Variants in MPDZ observed in about 807,000 individuals in gnomAD.
The protein encoded by MPDZ is multiple PDZ domain protein.
Under a neutral mutation model 239.1 loss-of-function variants are expected in MPDZ, and 234 were observed. That is an observed-to-expected ratio of 0.98 (90% confidence interval 0.88 to 1.09). MPDZ has a LOEUF of 1.09. Ranked by LOEUF, MPDZ falls within the 50% of genes least tolerant of loss-of-function variation. The probability of loss-of-function intolerance (pLI) is 0.00; values close to 1 mark genes in which losing one functional copy is unlikely to be tolerated. For missense variants in MPDZ, 3,175 were observed against 2,510.0 expected (o/e 1.26, Z -5.66); for synonymous variants, 1,048 against 881.3 (o/e 1.19, Z -3.35).
intron 29 of MPDZ, among the ~76,000 whole-genome samples, chr9:13,137,095 C>A (rs917468811): frequency 1.3e-5 from 2 of 152,038 alleles, no homozygotes; most frequent in African/African-American, 4.8e-5. Context: ...AATTTCCTGG[C>A]AGGCACTGGG....
chr9:13,152,060 T>C (rs139846874), intron 24 of MPDZ, among the ~76,000 whole-genome samples: 22 of 152,164 alleles, frequency 1.4e-4, no homozygotes, highest in Middle Eastern at 3.4e-3. Context: ...TTACATATAT[T>C]AAGTAATCAA....
Position 13,224,485 on chromosome 9 carries a change from T to C in MPDZ, c.282A>G (p.Leu94=), listed in dbSNP as rs372907146. 1.2e-6 allele frequency: 2 copies of C among 1,612,848 alleles called. No homozygotes were observed. Among genetic ancestry groups the C allele is most frequent in the South Asian group, 2.2e-5 (2 of 91,058 alleles). ...VIPTLQNESF[L]LSPNNGNLEA... ...CCAGATTCCCATTGTTTGGGGATAATAAAAACGATTCATTTTGCAGAGTAG... is the reference window on the plus strand; with the variant it reads ...CCAGATTCCCATTGTTTGGGGATAACAAAAACGATTCATTTTGCAGAGTAG... Residue 94 remains leucine, a synonymous_variant, in exon 4 of 47, where the codon TTA becomes TTG. Coordinates refer to ENST00000319217, the MANE Select transcript of MPDZ (RefSeq NM_001378778.1).
chr9:13,216,772 A>C lies in MPDZ; in HGVS notation c.1290+2T>G, dbSNP rs1032177650. ...AAAGCTATTGTTAAATGTGTAACTT[A>C]CTGCTATAATTTGGTCTCCAATTTG... On this transcript the variant is annotated splice_donor_variant, in intron 10 of 46. Coordinates refer to ENST00000319217, the MANE Select transcript of MPDZ (RefSeq NM_001378778.1). LOFTEE classifies it high-confidence loss of function. 6.3e-7 allele frequency: 1 copy of C among 1,592,376 alleles called. No individual in the cohort carries two copies. Among genetic ancestry groups the C allele is most frequent in the East Asian group, 2.2e-5 (1 of 44,530 alleles).
chr9:13,190,827 T>G (rs1054526368), intron 15 of MPDZ, among the ~76,000 whole-genome samples: 1 of 152,152 alleles, frequency 6.6e-6, no homozygotes, highest in Non-Finnish European at 1.5e-5. Context: ...TGCCCCCAGC[T>G]TGAAGCAGCT....
intron 32 of MPDZ, among the ~76,000 whole-genome samples, chr9:13,127,235 C>A (rs1180423948): frequency 6.6e-6 from 1 of 152,096 alleles, no homozygotes; most frequent in Non-Finnish European, 1.5e-5. Context: ...GGCAGTCTGC[C>A]ATTACTGATG....
In MPDZ at chr9:13,216,726, T is replaced by C. The variant is rs1032921225; in HGVS notation, c.1290+48A>G. 7 of 1,391,352 alleles carry C rather than the reference T, an allele frequency of 5.0e-6. No homozygotes were observed. In the African/African-American group the frequency reaches 1.0e-4, roughly 20 times the overall value. The allele number at this position is 1,391,352 out of a possible 1,614,324, so 86.2% of individuals were successfully genotyped here. On this transcript the variant is annotated intron_variant, in intron 10 of 46. Coordinates refer to ENST00000319217, the MANE Select transcript of MPDZ (RefSeq NM_001378778.1). ...AACTAAGTAAACTAGGAGAATACAATTCTCAACCATGAAAATTAACAAAGC... is the reference window on the plus strand; with the variant it reads ...AACTAAGTAAACTAGGAGAATACAACTCTCAACCATGAAAATTAACAAAGC...
At chr9:13,119,440 A>C in intron 39 of MPDZ, 62 bp downstream of exon 39, 2 of 1,536,466 alleles carry the variant, frequency 1.3e-6, no homozygotes, top group Non-Finnish European at 8.8e-7. Context: ...ATGATAGCCC[A>C]ATGTTAAAAT....
intron 31 of MPDZ, chr9:13,135,643 T>TGAC (rs1274948730): frequency 1.3e-5 from 2 of 153,118 alleles, no homozygotes; most frequent in African/African-American, 4.8e-5. Context: ...CCTTTAACAT[T>TGAC]GACCCTTTCC....
At chr9:13,203,526 C>G (rs1425064130) in intron 12 of MPDZ, among the ~76,000 whole-genome samples, 1 of 152,132 alleles carries the variant, frequency 6.6e-6, no homozygotes, top group South Asian at 2.1e-4. Flanking sequence ...AACCTCTGAT[C>G]TTGCTGGAAA....
At chr9:13,129,464 AAAATAAAT>A (rs144016881) in intron 32 of MPDZ, among the ~76,000 whole-genome samples, 2,784 of 151,012 alleles carry the variant, frequency 0.018, 41 homozygotes, top group Non-Finnish European at 0.027. Context: ...CTCAGTCTCA[AAAATAAAT>A]AAATAAATAA....
At chr9:13,233,452 T>C (rs954603028) in intron 3 of MPDZ, among the ~76,000 whole-genome samples, 2 of 152,080 alleles carry the variant, frequency 1.3e-5, no homozygotes, top group Admixed American at 6.6e-5. Context: ...AAAATTCAAA[T>C]AGTAATACTT....
At chr9:13,179,964 A>C (rs1953059354) in intron 19 of MPDZ, among the ~76,000 whole-genome samples, 1 of 152,062 alleles carries the variant, frequency 6.6e-6, no homozygotes, top group South Asian at 2.1e-4. Flanking sequence ...AGCTGCTCCA[A>C]CTGTCCTTCT....
rs1316512711 is a variant in MPDZ at position 13,233,770 on chromosome 9, G to C, written c.184-9187C>G. Among the ~76,000 whole-genome samples, 6 of 152,148 alleles carry C rather than the reference G, an allele frequency of 3.9e-5. No individual in the cohort carries two copies. The East Asian group carries it at 9.6e-4, about 24-fold the overall frequency. On this transcript the variant is annotated intron_variant, in intron 3 of 46. Coordinates refer to ENST00000319217, the MANE Select transcript of MPDZ (RefSeq NM_001378778.1). ...AGTAGCGACAGCCTGTATACATAAA[G>C]CTACACCTTGTCTATCCGCAACTAT... is the stretch of plus-strand genomic sequence containing the variant.
At chr9:13,149,973 C>G (rs1197029661) in intron 25 of MPDZ, among the ~76,000 whole-genome samples, 2 of 150,950 alleles carry the variant, frequency 1.3e-5, no homozygotes, top group African/African-American at 4.9e-5. Context: ...AAAAGACTCA[C>G]TTGGAAAAAA....
At chr9:13,188,325 C>T (rs1954417848) in intron 17 of MPDZ, among the ~76,000 whole-genome samples, 1 of 152,058 alleles carries the variant, frequency 6.6e-6, no homozygotes, top group Admixed American at 6.6e-5. Flanking sequence ...CGAGACCAGC[C>T]TGGCCAACAT....
chr9:13,248,258 T>G (rs1428539829), intron 2 of MPDZ, among the ~76,000 whole-genome samples: 1 of 147,778 alleles, frequency 6.8e-6, no homozygotes, highest in African/African-American at 2.5e-5. Flanking sequence ...GTAGAGAAAG[T>G]ACACATTTTT....
chr9:13,137,964 A>G lies in MPDZ; in HGVS notation c.4193T>C (p.Leu1398Pro). 1 of 1,613,756 alleles carries G rather than the reference A, an allele frequency of 6.2e-7. No homozygotes were observed. Among genetic ancestry groups the G allele is most frequent in the Non-Finnish European group, 8.5e-7 (1 of 1,179,748 alleles). Residue 1398 changes from leucine (L) to proline (P), a missense_variant, in exon 29 of 47, where the codon CTT (leucine) becomes CCT (proline). Leu to Pro is a moderately conservative substitution (Grantham distance 98). Coordinates refer to ENST00000319217, the MANE Select transcript of MPDZ (RefSeq NM_001378778.1). ...TTTTCCACAAAAACTTACCTCTAGAAGCTCATCTGCAATTTGCAATCGACC... is the reference window on the plus strand; with the variant it reads ...TTTTCCACAAAAACTTACCTCTAGAGGCTCATCTGCAATTTGCAATCGACC... ...KDGRLQIADE[L>P]LEINGQILYG...
intron 13 of MPDZ, 96 bp downstream of exon 13, chr9:13,196,025 T>G (rs1443146414): frequency 1.3e-6 from 1 of 772,538 alleles, no homozygotes; most frequent in Non-Finnish European, 2.0e-6. Context: ...ATTTGATTCT[T>G]CTCTGGAACT....
In MPDZ at chr9:13,137,669, T is replaced by C. The variant is rs551596288; in HGVS notation, c.4200+288A>G. Among the ~76,000 whole-genome samples the C allele has an allele frequency of 3.6e-3, 542 of 152,210 alleles. 3 individuals carry two copies. Among genetic ancestry groups the C allele is most frequent in the African/African-American group, 0.012 (503 of 41,546 alleles). ...GCTTTTCAAAAACTCCTAATAAAAA[T>C]GCAGCACACAAAACAAATGCTTTTG... On this transcript the variant is annotated intron_variant, in intron 29 of 46. Transcript: ENST00000319217.
Sources: gnomAD v4.1 joint callset for allele counts (sites outside exome capture counted in the v4.1 genomes callset) on GRCh38, gnomAD v4.1.1 for gene constraint, MANE v1.5 for transcripts, NCBI Gene and HGNC (gene_info 2026-07-23, HGNC 2026-07-21) for gene names.